The following ATP1B2 variants were observed in gnomAD, a reference collection of about 807,000 sequenced individuals.
The protein encoded by ATP1B2 is sodium/potassium-transporting ATPase subunit beta-2.
ATP1B2 carries 12 observed loss-of-function variants against 37.3 expected under a neutral mutation model. The observed-to-expected ratio is 0.32, with a 90% CI of 0.21 to 0.52. The LOEUF (loss-of-function observed/expected upper bound fraction) is 0.52. ATP1B2 is among the 20% of genes least tolerant of loss of function. ATP1B2 has a pLI of 0.96. For missense variants in ATP1B2, 324 were observed against 391.6 expected (o/e 0.83, Z 1.46); for synonymous variants, 139 against 140.5 (o/e 0.99, Z 0.07).
At position 7,654,134 on chromosome 17, in the gene ATP1B2, C is replaced by G; in HGVS notation, c.429C>G (p.Leu143=). ...ACGAACAGCCAGATAATGGAGTCCT[C>G]AACTACCCCAAACGTGCCTGCCAAT... is the stretch of plus-strand genomic sequence containing the variant. ...RYYEQPDNGV[L]NYPKRACQFN... Residue 143 remains leucine, a synonymous_variant, in exon 4 of 7, where the codon CTC becomes CTG. Coordinates refer to ENST00000250111, the MANE Select transcript of ATP1B2 (RefSeq NM_001678.5). This position sits in a 1 kb window ranked among gnomAD's most constrained non-coding sequence, Gnocchi z 4.9. The G allele has an allele frequency of 1.9e-6, 3 of 1,614,202 alleles. No individual in the cohort carries two copies. Among genetic ancestry groups the G allele is most frequent in the Middle Eastern group, 3.3e-4 (2 of 6,062 alleles).
intron 2 of ATP1B2, 102 bp downstream of exon 2, chr17:7,653,604 C>A: frequency 6.6e-7 from 1 of 1,518,280 alleles, no homozygotes; most frequent in Non-Finnish European, 8.9e-7. Context: ...ATTTTGATGA[C>A]CCAATCCCCA....
At chr17:7,647,540 A>T (rs2072582283), upstream of ATP1B2, among the ~76,000 whole-genome samples, 1 of 152,046 alleles carries the variant, frequency 6.6e-6, no homozygotes, top group Non-Finnish European at 1.5e-5. Context: ...AGAGAAAGAG[A>T]CCGGGTGCGG....
Position 7,654,340 on chromosome 17 carries a change from G to A in ATP1B2, c.552+83G>A, listed in dbSNP as rs977627833. Reference sequence around the variant, plus strand: ...CAGACAATTGCATCCTTTCACTGGGGCTAATGGGCATGAGAAAGACTTGGA... The same window carrying A: ...CAGACAATTGCATCCTTTCACTGGGACTAATGGGCATGAGAAAGACTTGGA... On this transcript the variant is annotated intron_variant, in intron 4 of 6. Coordinates refer to ENST00000250111, the MANE Select transcript of ATP1B2 (RefSeq NM_001678.5). This position sits in a 1 kb window ranked among gnomAD's most constrained non-coding sequence, Gnocchi z 4.9. The A allele has an allele frequency of 4.8e-6, 7 of 1,461,822 alleles. No individual in the cohort carries two copies. Among genetic ancestry groups the A allele is most frequent in the Non-Finnish European group, 5.7e-6 (6 of 1,052,126 alleles). The allele number at this position is 1,461,822 out of a possible 1,614,324, so 90.6% of individuals were successfully genotyped here. A position where few individuals can be genotyped will look rare whatever the true frequency, so the allele number is the denominator to read the frequency against.
At position 7,653,991 on chromosome 17, in the gene ATP1B2, G is replaced by C. The variant is rs756282551; in HGVS notation, c.346+46G>C. On this transcript the variant is annotated intron_variant, in intron 3 of 6. Coordinates refer to ENST00000250111, the MANE Select transcript of ATP1B2 (RefSeq NM_001678.5). ...GTGTCAGTTCAAGACTTCGGGCAGG[G>C]GACTGGGGACCTTGGAAGTGGAACA... 1.2e-5 allele frequency: 20 copies of C among 1,613,034 alleles called. No homozygotes were observed. The African/African-American group carries it at 2.5e-4, about 20-fold the overall frequency.
At chr17:7,650,732 C>G (rs544169672), upstream of ATP1B2, among the ~76,000 whole-genome samples, 1 of 152,014 alleles carries the variant, frequency 6.6e-6, no homozygotes, top group East Asian at 1.9e-4. Context: ...AGTCTAGTAC[C>G]TGGGGTGGGG....
At chr17:7,653,700 CAGG>C (rs2072628886) in intron 2 of ATP1B2, 138 bp from the exon 3 acceptor site, 2 of 1,223,914 alleles carry the variant, frequency 1.6e-6, no homozygotes, top group South Asian at 1.4e-5. Flanking sequence ...CAGATAGCCA[CAGG>C]AGATCACCCT....
upstream of ATP1B2, among the ~76,000 whole-genome samples, chr17:7,647,156 C>T (rs1423306831): frequency 1.3e-5 from 2 of 149,992 alleles, no homozygotes; most frequent in African/African-American, 4.9e-5. Context: ...AGAGACCACA[C>T]TCTCCACTGG....
rs2073691828 is a variant in ATP1B2, at chr17:7,656,823, A to ATTTC, written c.*940_*943dup. 7.3e-6 allele frequency: 1 copy of ATTTC among 137,768 alleles called. No individual in the cohort carries two copies. Among genetic ancestry groups the ATTTC allele is most frequent in the African/African-American group, 2.6e-5 (1 of 37,738 alleles). 8.5% of individuals were successfully genotyped at this position (137,768 alleles called of 1,614,324 possible). A position where few individuals can be genotyped will look rare whatever the true frequency, so the allele number is the denominator to read the frequency against. On this transcript the variant is annotated 3_prime_UTR_variant, in exon 7 of 7. Coordinates refer to ENST00000250111, the MANE Select transcript of ATP1B2 (RefSeq NM_001678.5). ...AGGCATGTGCCACCATGCCCGGCTAATTTCTTTCTTTCTTTTTTTTTTTTT... is the reference window on the plus strand; with the variant it reads ...AGGCATGTGCCACCATGCCCGGCTAATTTCTTTCTTTCTTTCTTTTTTTTTTTTT...
chr17:7,651,948 C>A (rs1487221495), intron 1 of ATP1B2, among the ~76,000 whole-genome samples: 1 of 152,302 alleles, frequency 6.6e-6, no homozygotes, highest in South Asian at 2.1e-4. Context: ...ACGGGCGTCC[C>A]CCACCTCCAA....
At chr17:7,648,710 G>C (rs1597332805), upstream of ATP1B2, among the ~76,000 whole-genome samples, 1 of 151,896 alleles carries the variant, frequency 6.6e-6, no homozygotes, top group East Asian at 1.9e-4. Flanking sequence ...CCATGCTTCA[G>C]TCTATTCTGC....
upstream of ATP1B2, among the ~76,000 whole-genome samples, chr17:7,648,856 A>G (rs1206084982): frequency 1.3e-5 from 2 of 151,852 alleles, no homozygotes; most frequent in Non-Finnish European, 2.9e-5. Context: ...GTACTCCGCA[A>G]TCCACACCCA....
upstream of ATP1B2, among the ~76,000 whole-genome samples, chr17:7,647,549 G>A (rs1048363388): frequency 6.6e-6 from 1 of 152,098 alleles, no homozygotes; most frequent in Non-Finnish European, 1.5e-5. Context: ...GACCGGGTGC[G>A]GTGGCTCACG....
Position 7,655,785 on chromosome 17 carries a change from G to A in ATP1B2, c.763G>A (p.Val255Met), listed in dbSNP as rs754719418. The change falls in exon 7 of 7, where the codon GTG becomes ATG. Residue 255 changes from valine (V) to methionine (M), a missense_variant. Coordinates refer to ENST00000250111, the MANE Select transcript of ATP1B2 (RefSeq NM_001678.5). The surrounding 1 kb of genome is among the most constrained non-coding windows in gnomAD (Gnocchi z 4.4). ...AVKFLNVTPN[V>M]EVNVECRINA... Reference sequence around the variant, plus strand: ...GAAGTTCCTGAATGTGACCCCCAACGTGGAGGTGAATGTAGAATGTCGCAT... The same window carrying A: ...GAAGTTCCTGAATGTGACCCCCAACATGGAGGTGAATGTAGAATGTCGCAT... 22 of 1,613,990 alleles carry A rather than the reference G, an allele frequency of 1.4e-5. No homozygotes were observed. Among genetic ancestry groups the A allele is most frequent in the African/African-American group, 4.0e-5 (3 of 74,876 alleles).
At position 7,654,657 on chromosome 17, in the gene ATP1B2, G is replaced by C; in HGVS notation, c.582G>C (p.Gln194His). The change falls in exon 5 of 7, where the codon CAG becomes CAC. Residue 194 changes from glutamine (Q) to histidine (H), a missense_variant. Coordinates refer to ENST00000250111, the MANE Select transcript of ATP1B2 (RefSeq NM_001678.5). This position sits in a 1 kb window ranked among gnomAD's most constrained non-coding sequence, Gnocchi z 4.9. ...RVINFYAGANQSMNVTCAGKR... is the reference protein window; with the variant it reads ...RVINFYAGANHSMNVTCAGKR... Reference sequence around the variant, plus strand: ...TCAACTTCTATGCAGGAGCAAACCAGAGCATGAATGTTACCTGTGCTGGGA... The same window carrying C: ...TCAACTTCTATGCAGGAGCAAACCACAGCATGAATGTTACCTGTGCTGGGA... 2 of 1,614,164 alleles carry C rather than the reference G, an allele frequency of 1.2e-6. No homozygotes were observed. The highest frequency in any genetic ancestry group is 1.7e-6 in the Non-Finnish European group (2 of 1,180,040).
Position 7,654,816 on chromosome 17 carries a change from G to C in ATP1B2, c.609+132G>C, listed in dbSNP as rs760037643. 1.2e-5 allele frequency: 13 copies of C among 1,091,644 alleles called. No individual in the cohort carries two copies. In the South Asian group the frequency reaches 1.7e-4, roughly 14 times the overall value. The allele number at this position is 1,091,644 out of a possible 1,614,324, so 67.6% of individuals were successfully genotyped here. A position where few individuals can be genotyped will look rare whatever the true frequency, so the allele number is the denominator to read the frequency against. ...GAGGCCCCATCACCATAGAAACAAG[G>C]GGGTAAGAGTGGGCTTTTGGGCTCC... On this transcript the variant is annotated intron_variant, in intron 5 of 6. Coordinates refer to ENST00000250111, the MANE Select transcript of ATP1B2 (RefSeq NM_001678.5). This position sits in a 1 kb window ranked among gnomAD's most constrained non-coding sequence, Gnocchi z 4.9.
chr17:7,655,454 T>C lies in ATP1B2; in HGVS notation c.610-73T>C. The C allele has an allele frequency of 7.0e-7, 1 of 1,425,548 alleles. No homozygotes were observed. The highest frequency in any genetic ancestry group is 9.9e-7 in the Non-Finnish European group (1 of 1,013,742). The allele number at this position is 1,425,548 out of a possible 1,614,324, so 88.3% of individuals were successfully genotyped here. ...GGCGAAGGAAGAACAAAAGAACAAATGGAAGTCTGGTGAGCTCCTGGGTGC... is the reference window on the plus strand; with the variant it reads ...GGCGAAGGAAGAACAAAAGAACAAACGGAAGTCTGGTGAGCTCCTGGGTGC... On this transcript the variant is annotated intron_variant, in intron 5 of 6. Transcript: ENST00000250111. The surrounding 1 kb of genome is among the most constrained non-coding windows in gnomAD (Gnocchi z 4.4).
chr17:7,653,824 G>C lies in ATP1B2; in HGVS notation c.242-17G>C, dbSNP rs2072629960. On this transcript the variant is annotated splice_polypyrimidine_tract_variant and intron_variant, in intron 2 of 6. Transcript: ENST00000250111. ...CATCTTATAGATACCCCCAACTTCTGCCTTTGTTGGCTGTAGGCTTGATGA... is the reference window on the plus strand; with the variant it reads ...CATCTTATAGATACCCCCAACTTCTCCCTTTGTTGGCTGTAGGCTTGATGA... 2 of 1,612,472 alleles carry C rather than the reference G, an allele frequency of 1.2e-6. No homozygotes were observed. The highest frequency in any genetic ancestry group is 2.7e-5 in the African/African-American group (2 of 74,852).
At chr17:7,653,714 C>T in intron 2 of ATP1B2, 127 bp from the exon 3 acceptor site, 2 of 1,245,928 alleles carry the variant, frequency 1.6e-6, no homozygotes, top group East Asian at 2.3e-5. Flanking sequence ...AGATCACCCT[C>T]CCATGAAGAC....
chr17:7,651,562 A>G lies in ATP1B2; in HGVS notation c.44A>G (p.Glu15Gly). ...KEKKSCGQVV[E>G]EWKEFVWNPR... ...AAGAAGAGCTGCGGGCAGGTGGTTGAGGAGTGGAAGGAGTTCGTGTGGAAC... is the reference window on the plus strand; with the variant it reads ...AAGAAGAGCTGCGGGCAGGTGGTTGGGGAGTGGAAGGAGTTCGTGTGGAAC... The change falls in exon 1 of 7, where the codon GAG becomes GGG. Residue 15 changes from glutamate (E) to glycine (G), a missense_variant. Glu to Gly is a moderately conservative substitution (Grantham distance 98). Coordinates refer to ENST00000250111, the MANE Select transcript of ATP1B2 (RefSeq NM_001678.5). The G allele has an allele frequency of 6.2e-7, 1 of 1,607,962 alleles. No homozygotes were observed. Among genetic ancestry groups the G allele is most frequent in the Non-Finnish European group, 8.5e-7 (1 of 1,177,370 alleles).
Sources: allele counts gnomAD v4.1 joint callset (sites outside exome capture counted in the v4.1 genomes callset), GRCh38; gene constraint gnomAD v4.1.1; non-coding constraint Gnocchi (gnomAD v3.1); transcripts MANE v1.5; gene names NCBI Gene and HGNC (gene_info 2026-07-23, HGNC 2026-07-21).